The following HACL1 variants were observed in gnomAD, a reference collection of about 807,000 sequenced individuals.
The protein encoded by HACL1 is 1600020H07Rik.
HACL1 carries 64 observed loss-of-function variants against 74.2 expected under a neutral mutation model. That is an observed-to-expected ratio of 0.86 (90% CI 0.70 to 1.06). HACL1 has a LOEUF of 1.06. HACL1 is among the 50% of genes least tolerant of loss of function. The pLI is 0.00. For missense variants in HACL1, 728 were observed against 719.7 expected (o/e 1.01, Z -0.13); for synonymous variants, 230 against 238.8 (o/e 0.96, Z 0.34).
At chr3:15,569,216 C>T (rs2125233688) in intron 12 of HACL1, among the ~76,000 whole-genome samples, 4 of 152,296 alleles carry the variant, frequency 2.6e-5, no homozygotes, top group African/African-American at 9.6e-5. Context: ...TCCCATCTGG[C>T]CCCAGGACTG....
chr3:15,578,992 A>T (rs1433755818), intron 9 of HACL1, among the ~76,000 whole-genome samples: 1 of 152,238 alleles, frequency 6.6e-6, no homozygotes, highest in Non-Finnish European at 1.5e-5. Flanking sequence ...TGAGCTGGAC[A>T]TGTGCAGACA....
At chr3:15,566,612 C>T (rs897034396) in intron 14 of HACL1, among the ~76,000 whole-genome samples, 25 of 151,858 alleles carry the variant, frequency 1.6e-4, no homozygotes, top group African/African-American at 5.6e-4. Context: ...GCCGCAGTTG[C>T]GCCATTCCAC....
intron 4 of HACL1, among the ~76,000 whole-genome samples, chr3:15,590,129 A>G (rs1219937814): frequency 1.3e-5 from 2 of 151,450 alleles, no homozygotes; most frequent in African/African-American, 4.8e-5. Context: ...CAAAATGTAT[A>G]GTAAATGTTT....
chr3:15,560,774 C>T lies in HACL1; in HGVS notation c.*91G>A, dbSNP rs1365154090. ...TTTTAAATGTTTATTTTATTTTGCA[C>T]AATTTTAACAGTAGAGTAATTTTGC... On this transcript the variant is annotated 3_prime_UTR_variant, in exon 17 of 17. Coordinates refer to ENST00000321169, the MANE Select transcript of HACL1 (RefSeq NM_012260.4). The T allele has an allele frequency of 1.2e-6, 1 of 851,378 alleles. No individual in the cohort carries two copies. Among genetic ancestry groups the T allele is most frequent in the East Asian group, 2.4e-5 (1 of 41,056 alleles). 52.7% of individuals were successfully genotyped at this position (851,378 alleles called of 1,614,324 possible).
At chr3:15,596,327 G>GT (rs1553645645) in intron 3 of HACL1, 57 bp downstream of exon 3, 2 of 873,416 alleles carry the variant, frequency 2.3e-6, no homozygotes, top group Non-Finnish European at 3.9e-6. Flanking sequence ...GCTGAAAGAC[G>GT]TAATAGTTCT....
chr3:15,599,450 A>C (rs2064136283), intron 2 of HACL1, among the ~76,000 whole-genome samples: 1 of 152,128 alleles, frequency 6.6e-6, no homozygotes, highest in Non-Finnish European at 1.5e-5. Context: ...CTGAAGTACA[A>C]ATCTAATTAC....
rs1454878782 is a variant in HACL1 at position 15,582,884 on chromosome 3, G to A, written c.660C>T (p.Ile220=). The A allele has an allele frequency of 3.9e-6, 6 of 1,551,772 alleles. No individual in the cohort carries two copies. In the East Asian group the frequency reaches 6.7e-5, roughly 17 times the overall value. Reference sequence around the variant, plus strand: ...GAGTTCTATTCATGCTACCTTTCCCGATGATAAGAAGGGGTTGTTTGGCAT... The same window carrying A: ...GAGTTCTATTCATGCTACCTTTCCCAATGATAAGAAGGGGTTGTTTGGCAT... The part of the protein sequence containing the change: ...IRNAKQPLLI[I]GKGAAYAHAE... Residue 220 remains isoleucine (I), a synonymous_variant, in exon 8 of 17, where the codon ATC becomes ATT. Coordinates refer to ENST00000321169, the MANE Select transcript of HACL1 (RefSeq NM_012260.4).
Position 15,601,446 on chromosome 3 carries a change from G to A in HACL1, c.18C>T (p.Phe6=), listed in dbSNP as rs2064236322. 6.2e-7 allele frequency: 1 copy of A among 1,613,446 alleles called. No homozygotes were observed. Among genetic ancestry groups the A allele is most frequent in the South Asian group, 1.1e-5 (1 of 91,090 alleles). MPDSN[F]AERSEEQVSG... ...ACACCTGCTCCTCGCTGCGCTCTGC[G>A]AAGTTACTGTCCGGCATCTTCCACC... The change falls in exon 1 of 17, where the codon TTC becomes TTT. Residue 6 remains phenylalanine, a synonymous_variant. Transcript: ENST00000321169.
chr3:15,569,761 G>A (rs951453963), intron 12 of HACL1, among the ~76,000 whole-genome samples: 6 of 151,298 alleles, frequency 4.0e-5, no homozygotes, highest in Admixed American at 6.6e-5. Flanking sequence ...CGGAGGTTGC[G>A]GTGAGCCAAG....
chr3:15,570,910 T>C (rs1404111119), intron 12 of HACL1, among the ~76,000 whole-genome samples: 3 of 150,992 alleles, frequency 2.0e-5, no homozygotes, highest in Admixed American at 6.6e-5. Flanking sequence ...AGGACCTATA[T>C]CTTAAAAGCA....
At chr3:15,594,924 C>CA (rs1406823098) in intron 3 of HACL1, among the ~76,000 whole-genome samples, 2 of 152,110 alleles carry the variant, frequency 1.3e-5, no homozygotes, top group African/African-American at 4.8e-5. Flanking sequence ...GGTCAAGAGA[C>CA]AGAGACCATC....
In HACL1 at chr3:15,585,450, C is replaced by T. The variant is rs2063778407; in HGVS notation, c.460-108G>A. The T allele has an allele frequency of 2.2e-5, 15 of 691,608 alleles. No individual in the cohort carries two copies. The East Asian group carries it at 4.0e-4, about 18-fold the overall frequency. The allele number at this position is 691,608 out of a possible 1,614,324, so 42.8% of individuals were successfully genotyped here. On this transcript the variant is annotated intron_variant, in intron 6 of 16. Coordinates refer to ENST00000321169, the MANE Select transcript of HACL1 (RefSeq NM_012260.4). ...AATGAACACTTTTCATTTTTCTGGA[C>T]ATCCTTGTGGAGAAAAAAATAATTA...
At chr3:15,563,264 G>A in intron 16 of HACL1, 94 bp downstream of exon 16, 1 of 787,102 alleles carries the variant, frequency 1.3e-6, no homozygotes, top group African/African-American at 1.7e-5. Flanking sequence ...GACCTCTGTG[G>A]ATGATAGAGG....
At chr3:15,582,828 A>T in intron 8 of HACL1, 49 bp downstream of exon 8, 1 of 872,632 alleles carries the variant, frequency 1.1e-6, no homozygotes. Flanking sequence ...TGTAAAAAGA[A>T]TTGGCACTTT....
At position 15,582,253 on chromosome 3, in the gene HACL1, T is replaced by C. The variant is rs1442789728; in HGVS notation, c.667+624A>G. On this transcript the variant is annotated intron_variant, in intron 8 of 16. Coordinates refer to ENST00000321169, the MANE Select transcript of HACL1 (RefSeq NM_012260.4). ...CTCCAGAGAAAGCAATATGACAATA[T>C]ACACTAAAAGTCTTAAAAATACTCA... Among the ~76,000 whole-genome samples, 3 of 152,162 alleles carry C rather than the reference T, an allele frequency of 2.0e-5. No individual in the cohort carries two copies. The East Asian group carries it at 5.8e-4, about 29-fold the overall frequency.
At chr3:15,569,300 A>T (rs2063483859) in intron 12 of HACL1, among the ~76,000 whole-genome samples, 1 of 152,204 alleles carries the variant, frequency 6.6e-6, no homozygotes, top group Non-Finnish European at 1.5e-5. Flanking sequence ...ATACTCCTGC[A>T]CTAAAGAAGA....
chr3:15,583,748 C>T (rs2063749189), intron 7 of HACL1, among the ~76,000 whole-genome samples: 1 of 151,720 alleles, frequency 6.6e-6, no homozygotes, highest in African/African-American at 2.4e-5. Context: ...ACCTCCATCT[C>T]CCAAGTTCAA....
chr3:15,596,525 A>C, intron 2 of HACL1, 101 bp from the exon 3 acceptor site: 1 of 694,782 alleles, frequency 1.4e-6, no homozygotes, highest in South Asian at 1.7e-5. Flanking sequence ...ATAGTGGTAA[A>C]GGCAGAATTA....
At chr3:15,575,143 C>T (rs2125245325) in intron 9 of HACL1, 61 bp from the exon 10 acceptor site, 2 of 874,712 alleles carry the variant, frequency 2.3e-6, no homozygotes, top group Non-Finnish European at 3.8e-6. Flanking sequence ...TTCGAAAATT[C>T]ATCTCTGAAG....
Sources: gnomAD v4.1 joint callset for allele counts (sites outside exome capture counted in the v4.1 genomes callset) on GRCh38, gnomAD v4.1.1 for gene constraint, MANE v1.5 for transcripts, NCBI Gene and HGNC (gene_info 2026-07-23, HGNC 2026-07-21) for gene names.